ZNF410: variants seen among roughly 807,000 people sequenced by gnomAD.
ZNF410 encodes another partner for ARF 1.
Under a neutral mutation model 54.8 loss-of-function variants are expected in ZNF410, and 18 were observed. That is an observed-to-expected ratio of 0.33 (90% CI 0.23 to 0.49). ZNF410 has a LOEUF of 0.49. ZNF410 is among the 20% of genes least tolerant of loss of function. The pLI is 0.99. For missense variants in ZNF410, 405 were observed against 569.6 expected, an observed-to-expected ratio of 0.71 and a Z score of 2.94; for synonymous variants, 191 against 207.3, an observed-to-expected ratio of 0.92 and a Z score of 0.68.
In ZNF410 at chr14:73,922,198, T is replaced by C. The variant is rs1391701941; in HGVS notation, c.1262T>C (p.Val421Ala). 3 of 1,613,518 alleles carry C rather than the reference T, an allele frequency of 1.9e-6. No homozygotes were observed. Among genetic ancestry groups the C allele is most frequent in the Admixed American group, 1.7e-5 (1 of 59,948 alleles). The change falls in exon 10 of 12, where the codon GTT (valine) becomes GCT (alanine). Residue 421 changes from valine to alanine, a missense_variant. Around this residue, in one of 3 missense-constraint regions of ZNF410, gnomAD observed 127 missense variants for 141.3 expected, o/e 0.90. Coordinates refer to ENST00000555044, the MANE Select transcript of ZNF410 (RefSeq NM_021188.3). The stretch of plus-strand genomic sequence containing the variant: ...CCAAATACCAATTCTATCCTGGGAG[T>C]TGATGATGGTAAGACTTCCAACTCT... ...NLPNTNSILG[V>A]DDEVLAEGSP...
chr14:73,932,305 A>G lies in ZNF410; in HGVS notation c.*764A>G. 1 of 339,132 alleles carries G rather than the reference A, an allele frequency of 2.9e-6. No homozygotes were observed. The highest frequency in any genetic ancestry group is 2.4e-5 in the South Asian group (1 of 42,234). The allele number at this position is 339,132 out of a possible 1,614,324, so 21.0% of individuals were successfully genotyped here. ...TTCTTTGGCTCTTGTTTTATACAAA[A>G]TTTGTTTTCTTAGAGATTAAGAATT... is the stretch of plus-strand genomic sequence containing the variant. On this transcript the variant is annotated 3_prime_UTR_variant, in exon 12 of 12. Coordinates refer to ENST00000555044, the MANE Select transcript of ZNF410 (RefSeq NM_021188.3).
At chr14:73,926,561 A>G (rs116737115) in intron 11 of ZNF410, among the ~76,000 whole-genome samples, 1,890 of 151,954 alleles carry the variant, frequency 0.012, 36 homozygotes, top group African/African-American at 0.038. Flanking sequence ...AAGTCTCCCA[A>G]TTAGCTGGGA....
chr14:73,902,869 A>T (rs1396295422), intron 5 of ZNF410, among the ~76,000 whole-genome samples: 1 of 152,180 alleles, frequency 6.6e-6, no homozygotes, highest in East Asian at 1.9e-4. Context: ...ACCTCTCTTT[A>T]TTCTGTTGAA....
At chr14:73,910,609 C>T (rs756553906) in intron 8 of ZNF410, among the ~76,000 whole-genome samples, 2 of 151,856 alleles carry the variant, frequency 1.3e-5, no homozygotes, top group African/African-American at 2.4e-5. Flanking sequence ...AAAAATTATC[C>T]GGGCATGGTG....
At chr14:73,904,433 G>C (rs1183623152) in intron 6 of ZNF410, among the ~76,000 whole-genome samples, 1 of 152,112 alleles carries the variant, frequency 6.6e-6, no homozygotes, top group African/African-American at 2.4e-5. Flanking sequence ...ATCAGTTTAA[G>C]GGGTGGTGCT....
At position 73,892,196 on chromosome 14, in the gene ZNF410, A is replaced by G; in HGVS notation, c.21A>G (p.Glu7=). The part of the protein sequence containing the change: MLSDEL[E]SKPELLVQFV... ...AATCAATGTTATCAGATGAGTTAGA[A>G]TCCAAACCAGAGGTGAGCCCAGTCA... The change falls in exon 2 of 12, where the codon GAA becomes GAG. Residue 7 remains glutamate (E), a synonymous_variant. Coordinates refer to ENST00000555044, the MANE Select transcript of ZNF410 (RefSeq NM_021188.3). 6.2e-7 allele frequency: 1 copy of G among 1,613,736 alleles called. No individual in the cohort carries two copies. Among genetic ancestry groups the G allele is most frequent in the South Asian group, 1.1e-5 (1 of 91,010 alleles).
At chr14:73,905,918 TATATATAC>T (rs2140306927) in intron 7 of ZNF410, among the ~76,000 whole-genome samples, 1 of 148,590 alleles carries the variant, frequency 6.7e-6, no homozygotes, top group Admixed American at 6.8e-5. Flanking sequence ...TACACATACA[TATATATAC>T]ACATACATAC....
chr14:73,918,713 T>A (rs56395320), intron 8 of ZNF410, among the ~76,000 whole-genome samples: 3 of 62,200 alleles, frequency 4.8e-5, no homozygotes, highest in South Asian at 5.3e-4. Context: ...TTTTTTTTTT[T>A]TCCCCTAAAC....
chr14:73,905,993 A>ACTTTTT (rs2055483731), intron 7 of ZNF410, among the ~76,000 whole-genome samples: 1 of 135,292 alleles, frequency 7.4e-6, no homozygotes, highest in Admixed American at 7.5e-5. Flanking sequence ...ATATATATAT[A>ACTTTTT]TACACACATA....
chr14:73,929,722 T>G (rs563446340), intron 11 of ZNF410, among the ~76,000 whole-genome samples: 19 of 151,448 alleles, frequency 1.3e-4, no homozygotes, highest in Non-Finnish European at 2.2e-4. Flanking sequence ...GAGGCTGAGG[T>G]GAGAGGATCA....
intron 11 of ZNF410, among the ~76,000 whole-genome samples, chr14:73,924,208 C>T (rs1393854859): frequency 6.6e-6 from 1 of 152,168 alleles, no homozygotes; most frequent in African/African-American, 2.4e-5. Context: ...GCATTAGATT[C>T]TGATAAGGAG....
At chr14:73,896,220 A>T in intron 3 of ZNF410, 96 bp from the exon 4 acceptor site, 1 of 830,452 alleles carries the variant, frequency 1.2e-6, no homozygotes, top group Non-Finnish European at 2.0e-6. Context: ...TGCTATAAGG[A>T]TGTTAGCTTC....
In ZNF410 at chr14:73,923,489, A is replaced by C; in HGVS notation, c.1365A>C (p.Glu455Asp). 6.2e-7 allele frequency: 1 copy of C among 1,613,694 alleles called. No individual in the cohort carries two copies. The highest frequency in any genetic ancestry group is 8.5e-7 in the Non-Finnish European group (1 of 1,179,846). ...VTMQSGRQSY[E>D]VSVLTAVNPQ... is the part of the protein sequence containing the mutation. ...TGCAGTCAGGGAGGCAATCATATGAAGTTTCTGTCTTAACTGCAGTAAATC... is the reference window on the plus strand; with the variant it reads ...TGCAGTCAGGGAGGCAATCATATGACGTTTCTGTCTTAACTGCAGTAAATC... The change falls in exon 11 of 12, where the codon GAA (glutamate) becomes GAC (aspartate). Residue 455 changes from glutamate to aspartate, a missense_variant. Coordinates refer to ENST00000555044, the MANE Select transcript of ZNF410 (RefSeq NM_021188.3).
chr14:73,902,001 A>G (rs531032154), intron 5 of ZNF410, among the ~76,000 whole-genome samples: 5 of 151,934 alleles, frequency 3.3e-5, no homozygotes, highest in South Asian at 2.1e-4. Flanking sequence ...TTAGAAATCA[A>G]TTAGCTGGAG....
At chr14:73,895,959 A>G (rs561010328) in intron 3 of ZNF410, among the ~76,000 whole-genome samples, 5 of 152,194 alleles carry the variant, frequency 3.3e-5, no homozygotes, top group Non-Finnish European at 5.9e-5. Flanking sequence ...TAAAATGTAG[A>G]TCCTATTCTT....
chr14:73,903,522 CT>C (rs537701307), intron 5 of ZNF410, among the ~76,000 whole-genome samples: 26 of 152,268 alleles, frequency 1.7e-4, no homozygotes, highest in African/African-American at 6.0e-4. Context: ...CAGATTCTTG[CT>C]CTGTCACCCA....
At chr14:73,924,356 G>GT (rs1312579216) in intron 11 of ZNF410, among the ~76,000 whole-genome samples, 2 of 152,206 alleles carry the variant, frequency 1.3e-5, no homozygotes, top group Non-Finnish European at 2.9e-5. Flanking sequence ...ACCTCCTGCT[G>GT]TGTGGCCTGG....
chr14:73,906,786 G>T (rs1472409189), intron 7 of ZNF410, among the ~76,000 whole-genome samples: 1 of 151,908 alleles, frequency 6.6e-6, no homozygotes, highest in African/African-American at 2.4e-5. Flanking sequence ...GACTTAAAAT[G>T]CTTTTACTTC....
intron 11 of ZNF410, among the ~76,000 whole-genome samples, chr14:73,928,187 A>C (rs56305479): frequency 6.6e-6 from 1 of 152,316 alleles, no homozygotes; most frequent in Non-Finnish European, 1.5e-5. Flanking sequence ...GGGAGAAGTC[A>C]GAGAATATGT....
Sources: allele counts gnomAD v4.1 joint callset (sites outside exome capture counted in the v4.1 genomes callset), GRCh38; gene constraint gnomAD v4.1.1; regional missense constraint gnomAD v4.1.1; transcripts MANE v1.5; gene names NCBI Gene and HGNC (gene_info 2026-07-23, HGNC 2026-07-21).